The following COL4A1 variants were observed in gnomAD, a reference collection of about 807,000 sequenced individuals.
COL4A1 encodes the protein collagen type IV alpha 1 chain.
A neutral mutation model predicts 216.6 loss-of-function variants in COL4A1; 40 were observed. The ratio of observed to expected loss-of-function variants is 0.18; its 90% CI spans 0.14 to 0.24. COL4A1 has a LOEUF of 0.24. Among genes scored for constraint, COL4A1 ranks in the 10% least tolerant of loss-of-function variants. The probability of loss-of-function intolerance (pLI) is 1.00; values close to 1 mark genes in which losing one functional copy is unlikely to be tolerated. For synonymous variants in COL4A1, 839 were observed against 810.7 expected (o/e 1.03, Z -0.59); for missense variants, 1,628 against 2,196.8 (o/e 0.74, Z 5.18).
intron 33 of COL4A1, 82 bp from the exon 34 acceptor site, chr13:110,177,119 G>C: frequency 1.3e-6 from 2 of 1,592,806 alleles, no homozygotes; most frequent in Non-Finnish European, 1.7e-6. Flanking sequence ...TGTTGACAGG[G>C]ACAGCAGCTG....
chr13:110,235,841 T>G (rs1881294856), intron 2 of COL4A1, among the ~76,000 whole-genome samples: 1 of 152,206 alleles, frequency 6.6e-6, no homozygotes, highest in African/African-American at 2.4e-5. Context: ...TGTCCTTGTA[T>G]ATTTTAATTT....
intron 26 of COL4A1, among the ~76,000 whole-genome samples, chr13:110,184,463 C>T (rs2391816): frequency 0.35 from 53,835 of 152,006 alleles, 9,574 homozygotes; most frequent in East Asian, 0.45. Flanking sequence ...CCATCAAACC[C>T]GGTATCCCCT....
chr13:110,175,395 G>A (rs1482626047), intron 36 of COL4A1, 38 bp from the exon 37 acceptor site: 3 of 1,613,142 alleles, frequency 1.9e-6, no homozygotes, highest in Middle Eastern at 1.6e-4. Context: ...TTTGGGCTTA[G>A]CTAGTGCTGG....
At chr13:110,234,602 CA>C (rs1881221199) in intron 2 of COL4A1, among the ~76,000 whole-genome samples, 1 of 152,050 alleles carries the variant, frequency 6.6e-6, no homozygotes, top group Non-Finnish European at 1.5e-5. Context: ...AAGAAAAAAA[CA>C]GGGGGGCGTT....
At chr13:110,188,677 T>G (rs1878502120) in intron 24 of COL4A1, among the ~76,000 whole-genome samples, 1 of 152,108 alleles carries the variant, frequency 6.6e-6, no homozygotes, top group Non-Finnish European at 1.5e-5. Context: ...GATGAGCGAG[T>G]AAAATCTGCC....
intron 11 of COL4A1, 53 bp from the exon 12 acceptor site, chr13:110,208,943 G>A: frequency 6.4e-7 from 1 of 1,555,056 alleles, no homozygotes; most frequent in East Asian, 2.2e-5. Context: ...TTCGTTCAAA[G>A]TCATTCTACA....
intron 12 of COL4A1, among the ~76,000 whole-genome samples, chr13:110,208,406 C>T (rs1372692173): frequency 1.3e-5 from 2 of 152,140 alleles, no homozygotes; most frequent in East Asian, 1.9e-4. Context: ...TGGACATGCC[C>T]GCCTCTGAGA....
chr13:110,194,775 C>G (rs1014716107), intron 22 of COL4A1, among the ~76,000 whole-genome samples: 2 of 152,148 alleles, frequency 1.3e-5, no homozygotes, highest in African/African-American at 4.8e-5. Flanking sequence ...ACTGACTTCA[C>G]GGTCCTCGGA....
chr13:110,262,380 T>C (rs1406441097), intron 1 of COL4A1, among the ~76,000 whole-genome samples: 3 of 152,212 alleles, frequency 2.0e-5, no homozygotes, highest in Non-Finnish European at 2.9e-5. Context: ...TCAAAATGCG[T>C]CTGCCCTCCC....
intron 2 of COL4A1, among the ~76,000 whole-genome samples, chr13:110,222,334 A>G: frequency 6.6e-6 from 1 of 152,206 alleles, no homozygotes; most frequent in East Asian, 1.9e-4. Context: ...AGCCCGTGAC[A>G]GGCCCGGGCG....
chr13:110,243,113 A>C (rs1881636520), intron 1 of COL4A1, among the ~76,000 whole-genome samples: 1 of 152,214 alleles, frequency 6.6e-6, no homozygotes, highest in African/African-American at 2.4e-5. Context: ...TCTTATTTAG[A>C]GGTGTCAGAC....
chr13:110,255,529 G>C (rs1013156629), intron 1 of COL4A1, among the ~76,000 whole-genome samples: 1 of 120,376 alleles, frequency 8.3e-6, no homozygotes, highest in Non-Finnish European at 1.8e-5. Context: ...CCAGGAACAG[G>C]GGGAAAGGAG....
At chr13:110,293,710 T>C (rs77568131) in intron 1 of COL4A1, among the ~76,000 whole-genome samples, 106 of 152,312 alleles carry the variant, frequency 7.0e-4, no homozygotes, top group African/African-American at 2.5e-3. Flanking sequence ...GGACCATTTC[T>C]AGAATTATTT....
At chr13:110,206,574 G>T in intron 15 of COL4A1, 91 bp downstream of exon 15, 1 of 1,407,878 alleles carries the variant, frequency 7.1e-7, no homozygotes, top group Non-Finnish European at 1.0e-6. Context: ...GTCCCTACGA[G>T]CCTTTTCTGT....
In COL4A1 at chr13:110,164,875, C is replaced by T. The variant is rs368982371; in HGVS notation, c.4137G>A (p.Pro1379=). 1.3e-5 allele frequency: 21 copies of T among 1,611,420 alleles called. No homozygotes were observed. The highest frequency in any genetic ancestry group is 4.5e-5 in the East Asian group (2 of 44,766). ...GLKGLQGLPG[P]KGQQGVTGLV... ...AAGCCTTCTCACCTTGCTGGCCTTT[C>T]GGGCCTGGCAGTCCCTGAAGCCCTT... is the stretch of plus-strand genomic sequence containing the variant. Residue 1379 remains proline, a synonymous_variant, in exon 46 of 52, where the codon CCG becomes CCA. Transcript: ENST00000375820.
Position 110,268,803 on chromosome 13 carries a change from C to A in COL4A1, c.85-26069G>T, listed in dbSNP as rs547491729. ...CACGTGGGAGGCTCAACAAATCTGACTCTGTCATCCGCCCATCTTCCAGCC... is the reference window on the plus strand; with the variant it reads ...CACGTGGGAGGCTCAACAAATCTGAATCTGTCATCCGCCCATCTTCCAGCC... On this transcript the variant is annotated intron_variant, in intron 1 of 51. Coordinates refer to ENST00000375820, the MANE Select transcript of COL4A1 (RefSeq NM_001845.6). The surrounding 1 kb of genome is among the most constrained non-coding windows in gnomAD (Gnocchi z 4.1). Among the ~76,000 whole-genome samples the A allele has an allele frequency of 2.0e-5, 3 of 152,338 alleles. No homozygotes were observed. In the South Asian group the frequency reaches 6.2e-4, roughly 32 times the overall value.
chr13:110,167,245 A>G lies in COL4A1; in HGVS notation c.3877-15T>C, dbSNP rs748255194. 1.9e-6 allele frequency: 3 copies of G among 1,603,666 alleles called. No individual in the cohort carries two copies. The Admixed American group carries it at 5.0e-5, about 27-fold the overall frequency. ...CCACCAATACCCTAGACACGCAAAG[A>G]GGAGGTTGGGAATTGCTCAGGATAT... is the stretch of plus-strand genomic sequence containing the variant. On this transcript the variant is annotated splice_polypyrimidine_tract_variant and intron_variant, in intron 43 of 51. Coordinates refer to ENST00000375820, the MANE Select transcript of COL4A1 (RefSeq NM_001845.6).
intron 43 of COL4A1, among the ~76,000 whole-genome samples, chr13:110,168,328 A>G (rs1249093566): frequency 6.6e-6 from 1 of 152,196 alleles, no homozygotes; most frequent in Non-Finnish European, 1.5e-5. Flanking sequence ...AATGGGGTAT[A>G]TTTCTATGTT....
intron 1 of COL4A1, among the ~76,000 whole-genome samples, chr13:110,298,173 G>A (rs1158864044): frequency 6.6e-6 from 1 of 152,182 alleles, no homozygotes. Context: ...CTAAATTCCT[G>A]AAGAAATACA....
Sources: allele counts gnomAD v4.1 joint callset (sites outside exome capture counted in the v4.1 genomes callset), GRCh38; gene constraint gnomAD v4.1.1; non-coding constraint Gnocchi (gnomAD v3.1); transcripts MANE v1.5; gene names NCBI Gene and HGNC (gene_info 2026-07-23, HGNC 2026-07-21).